The following DNAH12 variants were observed in gnomAD, a reference collection of about 807,000 sequenced individuals.
The protein encoded by DNAH12 is axonemal beta dynein heavy chain 12.
DNAH12 carries 285 observed loss-of-function variants against 371.5 expected under a neutral mutation model. The observed-to-expected ratio is 0.77, with a 90% CI of 0.70 to 0.85. DNAH12 has a LOEUF of 0.85. Among genes scored for constraint, DNAH12 ranks in the 40% least tolerant of loss-of-function variants. The pLI is 0.00. For synonymous variants in DNAH12, 1,200 were observed against 1,213.0 expected (o/e 0.99, Z 0.22); for missense variants, 3,611 against 3,689.4 (o/e 0.98, Z 0.55).
chr3:57,324,844 T>G (rs1333510198), intron 62 of DNAH12, among the ~76,000 whole-genome samples: 1 of 152,202 alleles, frequency 6.6e-6, no homozygotes, highest in Non-Finnish European at 1.5e-5. Flanking sequence ...GGATGACACC[T>G]GGAAAATTGG....
At chr3:57,514,572 G>GA (rs2068119124) in intron 4 of DNAH12, among the ~76,000 whole-genome samples, 1 of 152,078 alleles carries the variant, frequency 6.6e-6, no homozygotes, top group South Asian at 2.1e-4. Flanking sequence ...GGAACAGACA[G>GA]AAAGTATGGG....
chr3:57,491,922 C>A (rs1007550988), intron 11 of DNAH12, among the ~76,000 whole-genome samples: 2 of 152,060 alleles, frequency 1.3e-5, no homozygotes, highest in African/African-American at 4.8e-5. Context: ...GGGAGGAACA[C>A]TTGAGCCCAG....
Position 57,334,556 on chromosome 3 carries a change from T to A in DNAH12, c.9887A>T (p.Glu3296Val), listed in dbSNP as rs1035436729. Residue 3296 changes from glutamate (E) to valine (V), a missense_variant, in exon 62 of 74, where the codon GAG becomes GTG. Physicochemically the swap from Glu to Val is moderately radical, Grantham distance 121 (BLOSUM62 -2). This residue lies in a region of DNAH12 where 2,266 missense variants were observed against 2,236.9 expected (regional missense o/e 1.01). Transcript: ENST00000495027. ...YEWREIYDSK[E>V]PHNAKFPAPM... ...TGCTGGAAATTTAGCATTATGTGGC[T>A]CTTTACTGTCATAGATTTCTCGCCA... 3.9e-6 allele frequency: 6 copies of A among 1,550,738 alleles called. No individual in the cohort carries two copies. The highest frequency in any genetic ancestry group is 1.4e-5 in the African/African-American group (1 of 73,028).
chr3:57,308,971 C>G (rs567182156), intron 69 of DNAH12, among the ~76,000 whole-genome samples, 180 bp downstream of exon 69: 1 of 152,188 alleles, frequency 6.6e-6, no homozygotes, highest in African/African-American at 2.4e-5. Flanking sequence ...TAATCTCTCC[C>G]ACTCTAGGTT....
At chr3:57,332,345 G>C (rs1181933321) in intron 62 of DNAH12, among the ~76,000 whole-genome samples, 1 of 152,100 alleles carries the variant, frequency 6.6e-6, no homozygotes, top group Non-Finnish European at 1.5e-5. Flanking sequence ...AAAATTTTCT[G>C]CCATCTTCTA....
chr3:57,446,117 C>G lies in DNAH12; in HGVS notation c.4093G>C (p.Glu1365Gln). The change falls in exon 27 of 74, where the codon GAA (glutamate) becomes CAA (glutamine). Residue 1365 changes from glutamate to glutamine, a missense_variant. By Grantham distance (29) the Glu-to-Gln change is conservative. Transcript: ENST00000495027. ...KLVVFVFEGTELKLNPNCFVA... is the reference protein window; with the variant it reads ...KLVVFVFEGTQLKLNPNCFVA... ...AAACAATTCGGATTGAGCTTAAGTT[C>G]TGTCCCTTCAAAAACAAACACAACC... The G allele has an allele frequency of 6.4e-7, 1 of 1,551,700 alleles. No homozygotes were observed. Among genetic ancestry groups the G allele is most frequent in the East Asian group, 2.4e-5 (1 of 40,926 alleles).
chr3:57,420,233 T>TC (rs2153360258), intron 36 of DNAH12, among the ~76,000 whole-genome samples: 3 of 152,228 alleles, frequency 2.0e-5, no homozygotes, highest in African/African-American at 7.2e-5. Context: ...TTTTGACCCC[T>TC]CCCTGGAGAA....
chr3:57,530,712 T>C, intron 2 of DNAH12: 2 of 377,166 alleles, frequency 5.3e-6, no homozygotes, highest in Non-Finnish European at 5.0e-6. Flanking sequence ...CAGTTTGTTA[T>C]TGGACACACT....
chr3:57,522,188 C>T (rs971615784), intron 4 of DNAH12, among the ~76,000 whole-genome samples: 2 of 151,894 alleles, frequency 1.3e-5, no homozygotes, highest in Admixed American at 6.6e-5. Flanking sequence ...CACGCCACTG[C>T]ACTCTAGCCT....
At chr3:57,539,383 A>G (rs1360483425) in intron 2 of DNAH12, among the ~76,000 whole-genome samples, 1 of 152,100 alleles carries the variant, frequency 6.6e-6, no homozygotes, top group Non-Finnish European at 1.5e-5. Context: ...GGTTCATGAT[A>G]CTCTAGAGAT....
intron 12 of DNAH12, among the ~76,000 whole-genome samples, chr3:57,484,846 A>G (rs562510381): frequency 3.9e-5 from 6 of 152,292 alleles, no homozygotes; most frequent in Admixed American, 1.3e-4. Context: ...TCAGCAAGGA[A>G]AAAACAAATA....
intron 2 of DNAH12, among the ~76,000 whole-genome samples, chr3:57,538,019 T>A (rs1368976359): frequency 5.3e-5 from 8 of 152,258 alleles, no homozygotes; most frequent in South Asian, 2.1e-4. Flanking sequence ...CAGCTAAAAA[T>A]GAGTTTGAAA....
At chr3:57,497,647 C>T (rs2067366570) in intron 11 of DNAH12, among the ~76,000 whole-genome samples, 1 of 152,194 alleles carries the variant, frequency 6.6e-6, no homozygotes. Context: ...TAGACAATCA[C>T]ATGTGTTGTT....
rs753847165 is a variant in DNAH12, at chr3:57,322,430, C to T, written c.10437G>A (p.Thr3479=). Residue 3479 remains threonine (T), a synonymous_variant, in exon 65 of 74, where the codon ACG becomes ACA. Transcript: ENST00000495027. ...ATTGAAGGAGATTCAGCCGAAGACC[C>T]GTGGGAGGTTCATTAGTCATTTTTA... ...NGVKMTNEPP[T]GLRLNLLQSY... is the part of the protein sequence containing the mutation. 1.2e-5 allele frequency: 19 copies of T among 1,551,990 alleles called. No homozygotes were observed. Among genetic ancestry groups the T allele is most frequent in the Admixed American group, 9.8e-5 (5 of 50,958 alleles).
intron 36 of DNAH12, 101 bp downstream of exon 36, chr3:57,421,417 C>G (rs912580146): frequency 1.7e-6 from 2 of 1,157,002 alleles, no homozygotes; most frequent in African/African-American, 3.1e-5. Flanking sequence ...AAAAGCTCAC[C>G]GCAGGAGTCA....
intron 11 of DNAH12, among the ~76,000 whole-genome samples, chr3:57,493,969 G>A (rs772734635): frequency 7.2e-5 from 11 of 152,112 alleles, no homozygotes; most frequent in South Asian, 2.1e-4. Context: ...AGGGTGGTTC[G>A]TGCTTGTAAT....
chr3:57,330,723 A>T (rs1287859457), intron 62 of DNAH12, among the ~76,000 whole-genome samples: 1 of 151,902 alleles, frequency 6.6e-6, no homozygotes, highest in Non-Finnish European at 1.5e-5. Context: ...TAATTAAAAA[A>T]AAAAAAAAAA....
At chr3:57,397,805 G>T (rs2063776331) in intron 43 of DNAH12, among the ~76,000 whole-genome samples, 1 of 152,170 alleles carries the variant, frequency 6.6e-6, no homozygotes, top group South Asian at 2.1e-4. Flanking sequence ...GTTGATTGGT[G>T]AAGATCTTCC....
chr3:57,365,896 C>T (rs1279813636), intron 57 of DNAH12, among the ~76,000 whole-genome samples: 19 of 150,360 alleles, frequency 1.3e-4, no homozygotes, highest in African/African-American at 4.4e-4. Context: ...TTTCTATTTA[C>T]GGTCATAGCA....
Sources: allele counts gnomAD v4.1 joint callset (sites outside exome capture counted in the v4.1 genomes callset), GRCh38; gene constraint gnomAD v4.1.1; regional missense constraint gnomAD v4.1.1; transcripts MANE v1.5; gene names NCBI Gene and HGNC (gene_info 2026-07-23, HGNC 2026-07-21).